The following VIPR2 variants were observed in gnomAD, a reference collection of about 807,000 sequenced individuals.
The protein encoded by VIPR2 is vasoactive intestinal polypeptide receptor 2.
In VIPR2, 48 loss-of-function variants were observed where a neutral mutation model predicts 58.0. The observed-to-expected ratio is 0.83, with a 90% CI of 0.66 to 1.05. The LOEUF is 1.05. Among genes scored for constraint, VIPR2 ranks in the 50% least tolerant of loss-of-function variants. The probability of loss-of-function intolerance (pLI) is 0.00; values close to 1 mark genes in which losing one functional copy is unlikely to be tolerated. For missense variants in VIPR2, 534 were observed against 558.0 expected (o/e 0.96, Z 0.43); for synonymous variants, 243 against 235.2 (o/e 1.03, Z -0.30).
Position 159,096,858 on chromosome 7 carries a change from T to C in VIPR2, c.357+6899A>G. On this transcript the variant is annotated intron_variant, in intron 4 of 12. Transcript: ENST00000262178. This position sits in a 1 kb window ranked among gnomAD's most constrained non-coding sequence, Gnocchi z 5.5. ...ACCTCGGGATGCTTCCGCCGTACTG[T>C]GTCCATGGCTGAGACCACCCTCTCT... 6.5e-7 allele frequency: 1 copy of C among 1,535,500 alleles called. No individual in the cohort carries two copies. The highest frequency in any genetic ancestry group is 1.4e-5 in the African/African-American group (1 of 72,780).
intron 6 of VIPR2, among the ~76,000 whole-genome samples, chr7:159,040,507 G>A (rs1004425184): frequency 2.6e-5 from 4 of 152,230 alleles, no homozygotes; most frequent in African/African-American, 4.8e-5. Flanking sequence ...TCCGTGTCCC[G>A]GGACAGCCCA....
At chr7:159,140,916 G>A (rs1321249428) in intron 2 of VIPR2, among the ~76,000 whole-genome samples, 1 of 151,562 alleles carries the variant, frequency 6.6e-6, no homozygotes, top group Non-Finnish European at 1.5e-5. Context: ...CCATCAGATG[G>A]CTCCAGGCTC....
At chr7:159,132,669 C>A (rs1404114766) in intron 2 of VIPR2, among the ~76,000 whole-genome samples, 1 of 152,232 alleles carries the variant, frequency 6.6e-6, no homozygotes, top group Non-Finnish European at 1.5e-5. Context: ...GAAGTTTATT[C>A]CACATGAAAT....
At chr7:159,116,006 C>T (rs1285714166) in intron 2 of VIPR2, among the ~76,000 whole-genome samples, 5 of 152,230 alleles carry the variant, frequency 3.3e-5, no homozygotes, top group African/African-American at 1.2e-4. Context: ...GCTGTGAGCT[C>T]CACCCATTGG....
At chr7:159,134,710 T>C (rs1251501925) in intron 2 of VIPR2, among the ~76,000 whole-genome samples, 7 of 151,712 alleles carry the variant, frequency 4.6e-5, no homozygotes, top group African/African-American at 1.7e-4. Flanking sequence ...CAGGCTGGAG[T>C]ACAGTGGGGC....
intron 5 of VIPR2, among the ~76,000 whole-genome samples, chr7:159,049,625 TC>T (rs981973740): frequency 1.3e-5 from 2 of 152,140 alleles, no homozygotes; most frequent in African/African-American, 4.8e-5. Flanking sequence ...TGCATCCAAA[TC>T]CTTTTGGTCT....
chr7:159,103,268 G>A (rs1858411240), intron 4 of VIPR2, among the ~76,000 whole-genome samples: 1 of 152,188 alleles, frequency 6.6e-6, no homozygotes, highest in Non-Finnish European at 1.5e-5. Context: ...GACACCTCTT[G>A]GCGGAGGACA....
intron 4 of VIPR2, among the ~76,000 whole-genome samples, chr7:159,101,720 G>A (rs1315441845): frequency 1.4e-5 from 2 of 147,468 alleles, no homozygotes; most frequent in Non-Finnish European, 3.0e-5. Flanking sequence ...GACTGTTCCT[G>A]TGGTAGTGAA....
Position 159,142,536 on chromosome 7 carries a change from T to C in VIPR2, c.61A>G (p.Ile21Val), listed in dbSNP as rs151123574. 47 of 1,611,464 alleles carry C rather than the reference T, an allele frequency of 2.9e-5. No individual in the cohort carries two copies. The African/African-American group carries it at 5.9e-4, about 20-fold the overall frequency. ...TCWLLAPVNS[I>V]HPECRFHLEI... ...AGATGAAATCGGCATTCTGGGTGAATGCTGTTCACCTGTTCACGGTTAAAA... is the reference window on the plus strand; with the variant it reads ...AGATGAAATCGGCATTCTGGGTGAACGCTGTTCACCTGTTCACGGTTAAAA... The change falls in exon 2 of 13, where the codon ATT becomes GTT. Residue 21 changes from isoleucine (I) to valine (V), a missense_variant. Ile to Val is a conservative substitution (Grantham distance 29). This residue lies in a region of VIPR2 where 224 missense variants were observed against 255.7 expected (regional missense o/e 0.88). Transcript: ENST00000262178.
At chr7:159,120,180 ATAC>A (rs1796404154) in intron 2 of VIPR2, among the ~76,000 whole-genome samples, 1 of 152,212 alleles carries the variant, frequency 6.6e-6, no homozygotes, top group Admixed American at 6.5e-5. Flanking sequence ...GTTCAGACTC[ATAC>A]TAAACATCTC....
At chr7:159,071,791 G>A (rs1430530577) in intron 4 of VIPR2, among the ~76,000 whole-genome samples, 1 of 152,160 alleles carries the variant, frequency 6.6e-6, no homozygotes, top group Non-Finnish European at 1.5e-5. Flanking sequence ...AAGGCACGAT[G>A]GTACCGGCAG....
intron 2 of VIPR2, among the ~76,000 whole-genome samples, chr7:159,124,457 G>C (rs904960865): frequency 6.6e-6 from 1 of 152,066 alleles, no homozygotes; most frequent in Non-Finnish European, 1.5e-5. Context: ...GATGATAATA[G>C]GTGTGCAGCC....
chr7:159,117,294 T>C (rs140005895), intron 2 of VIPR2: 2 of 717,316 alleles, frequency 2.8e-6, no homozygotes, highest in South Asian at 1.5e-5. Flanking sequence ...ACTTAATTTC[T>C]CAATGATTTT....
At position 159,066,915 on chromosome 7, in the gene VIPR2, C is replaced by T. The variant is rs569316588; in HGVS notation, c.358-8337G>A. Among the ~76,000 whole-genome samples the T allele has an allele frequency of 2.8e-4, 42 of 151,944 alleles. No homozygotes were observed. In the South Asian group the frequency reaches 4.1e-3, roughly 15 times the overall value. ...AGTTTTAGAAGGGGGATTTTTTTGCCTTGTTAAACCTCAGTAGGAAAACCA... is the reference window on the plus strand; with the variant it reads ...AGTTTTAGAAGGGGGATTTTTTTGCTTTGTTAAACCTCAGTAGGAAAACCA... On this transcript the variant is annotated intron_variant, in intron 4 of 12. Transcript: ENST00000262178.
Position 159,104,333 on chromosome 7 carries a change from C to T in VIPR2, c.260-479G>A, listed in dbSNP as rs926740619. ...TTCTGGGCAGCACCCTCCCTCCTCC[C>T]GGCCAGCACCCTCGCCACTGACGGT... On this transcript the variant is annotated intron_variant, in intron 3 of 12. Transcript: ENST00000262178. Among the ~76,000 whole-genome samples the T allele has an allele frequency of 4.7e-5, 7 of 147,426 alleles. No homozygotes were observed. The East Asian group carries it at 8.1e-4, about 17-fold the overall frequency.
chr7:159,110,657 C>T (rs894662403), intron 2 of VIPR2, among the ~76,000 whole-genome samples: 4 of 150,936 alleles, frequency 2.7e-5, no homozygotes, highest in African/African-American at 4.9e-5. Context: ...TTACTTAAAC[C>T]TCAGTATCAG....
At chr7:159,129,269 G>C (rs1796785803) in intron 2 of VIPR2, among the ~76,000 whole-genome samples, 1 of 132,322 alleles carries the variant, frequency 7.6e-6, no homozygotes, top group East Asian at 2.3e-4. Flanking sequence ...GGCCTCTGGG[G>C]GGGACAGGGC....
intron 2 of VIPR2, among the ~76,000 whole-genome samples, chr7:159,111,331 G>T (rs1401123489): frequency 6.6e-6 from 1 of 152,182 alleles, no homozygotes; most frequent in Non-Finnish European, 1.5e-5. Context: ...GCAGTTTCGT[G>T]TCTGGTTATT....
intron 2 of VIPR2, among the ~76,000 whole-genome samples, chr7:159,141,627 T>C (rs1797469682): frequency 6.6e-6 from 1 of 152,276 alleles, no homozygotes; most frequent in East Asian, 1.9e-4. Flanking sequence ...TTCAGATTTA[T>C]TCAGGTAAAT....
Sources: allele counts gnomAD v4.1 joint callset (sites outside exome capture counted in the v4.1 genomes callset), GRCh38; gene constraint gnomAD v4.1.1; regional missense constraint gnomAD v4.1.1; non-coding constraint Gnocchi (gnomAD v3.1); transcripts MANE v1.5; gene names NCBI Gene and HGNC (gene_info 2026-07-23, HGNC 2026-07-21).